Variants in UQCRC2 observed in about 807,000 individuals in gnomAD.
UQCRC2 encodes the protein ubiquinol-cytochrome c reductase core protein 2.
In UQCRC2, 49 loss-of-function variants were observed where a neutral mutation model predicts 55.6. The observed-to-expected ratio is 0.88, with a 90% CI of 0.70 to 1.12. UQCRC2 has a LOEUF of 1.12. UQCRC2 is among the 50% of genes most tolerant of loss of function. The probability of loss-of-function intolerance (pLI) is 0.00; values close to 1 mark genes in which losing one functional copy is unlikely to be tolerated. For missense variants in UQCRC2, 506 were observed against 547.8 expected, an observed-to-expected ratio of 0.92 and a Z score of 0.76; for synonymous variants, 193 against 192.0, an observed-to-expected ratio of 1.01 and a Z score of -0.04.
intron 12 of UQCRC2, 116 bp downstream of exon 12, chr16:21,976,359 TA>T: frequency 1.1e-6 from 1 of 911,832 alleles, no homozygotes; most frequent in Non-Finnish European, 1.7e-6. Flanking sequence ...CAGAAAAGCG[TA>T]AAAAGGGAAA....
intron 6 of UQCRC2, among the ~76,000 whole-genome samples, chr16:21,963,565 G>A (rs1597955310): frequency 6.6e-6 from 1 of 152,158 alleles, no homozygotes; most frequent in East Asian, 1.9e-4. Flanking sequence ...CTGGACTCAG[G>A]TGATCCTCCT....
chr16:21,962,785 C>G lies in UQCRC2; in HGVS notation c.414C>G (p.Leu138=). The G allele has an allele frequency of 2.5e-6, 4 of 1,614,056 alleles. No individual in the cohort carries two copies. Among genetic ancestry groups the G allele is most frequent in the Non-Finnish European group, 3.4e-6 (4 of 1,180,004 alleles). ...GDVDILMEFL[L]NVTTAPEFRR... ...GTGATATTCTAATGGAGTTCCTGCT[C>G]AATGTCACCACAGCACCAGAATTTC... is the stretch of plus-strand genomic sequence containing the variant. Residue 138 remains leucine (L), a synonymous_variant, in exon 6 of 14, where the codon CTC becomes CTG. Transcript: ENST00000268379.
At chr16:21,970,904 A>G (rs758801640) in intron 8 of UQCRC2, among the ~76,000 whole-genome samples, 2 of 151,842 alleles carry the variant, frequency 1.3e-5, no homozygotes, top group Admixed American at 6.6e-5. Context: ...AGAAATGTCT[A>G]TTCAAGTCTT....
At chr16:21,977,355 TA>T (rs577179217) in intron 12 of UQCRC2, among the ~76,000 whole-genome samples, 285 of 145,272 alleles carry the variant, frequency 2.0e-3, no homozygotes, top group African/African-American at 3.1e-3. Context: ...CCCTGTCTCT[TA>T]AAAAAAAAAA....
intron 7 of UQCRC2, 66 bp downstream of exon 7, chr16:21,965,571 GGTTT>G: frequency 1.5e-6 from 2 of 1,305,244 alleles, no homozygotes; most frequent in East Asian, 2.8e-5. Context: ...TCCCATTTCA[GGTTT>G]GTTTGTTAAT....
chr16:21,961,620 TA>T (rs1898199981), intron 4 of UQCRC2, among the ~76,000 whole-genome samples: 1 of 74,324 alleles, frequency 1.3e-5, no homozygotes, highest in African/African-American at 3.3e-5. Context: ...GTATATAACA[TA>T]AAATTTATAT....
chr16:21,968,713 A>G (rs1898387369), intron 8 of UQCRC2, 28 bp downstream of exon 8: 4 of 1,591,300 alleles, frequency 2.5e-6, no homozygotes, highest in Admixed American at 3.6e-5. Flanking sequence ...CCTGCCTGTC[A>G]GTTTGCTTCC....
intron 12 of UQCRC2, among the ~76,000 whole-genome samples, chr16:21,979,951 C>T (rs114465421): frequency 2.1e-4 from 32 of 152,248 alleles, no homozygotes; most frequent in African/African-American, 7.5e-4. Context: ...ATGAGATAAT[C>T]AATGCTTCCT....
chr16:21,972,006 A>G lies in UQCRC2; in HGVS notation c.850A>G (p.Asn284Asp). The G allele has an allele frequency of 1.2e-6, 2 of 1,614,120 alleles. No individual in the cohort carries two copies. The highest frequency in any genetic ancestry group is 1.7e-6 in the Non-Finnish European group (2 of 1,180,008). Residue 284 changes from asparagine (N) to aspartate (D), a missense_variant, in exon 10 of 14, where the codon AAT becomes GAT. Coordinates refer to ENST00000268379, the MANE Select transcript of UQCRC2 (RefSeq NM_003366.4). ...TGCTGTCGCGGGAAGTGCAGAGGCA[A>G]ATGCATTTAGTGTTCTTCAGCATGT... ...ESAVAGSAEA[N>D]AFSVLQHVLG...
intron 1 of UQCRC2, 37 bp from the exon 2 acceptor site, chr16:21,957,198 G>T (rs1317433415): frequency 6.2e-7 from 1 of 1,602,036 alleles, no homozygotes; most frequent in South Asian, 1.1e-5. Context: ...CACTGTTCTT[G>T]TGAGAAATAC....
chr16:21,962,154 A>G (rs1214520454), intron 4 of UQCRC2: 3 of 302,030 alleles, frequency 9.9e-6, no homozygotes, highest in East Asian at 6.2e-5. Flanking sequence ...CAGGTACCTC[A>G]TAAGTAGAAT....
At chr16:21,966,490 T>A (rs185711799) in intron 7 of UQCRC2, among the ~76,000 whole-genome samples, 1 of 152,284 alleles carries the variant, frequency 6.6e-6, no homozygotes, top group Admixed American at 6.5e-5. Context: ...CAAAAGACAT[T>A]AAGAGAAAAA....
At chr16:21,955,070 A>T (rs1898067533) in intron 1 of UQCRC2, among the ~76,000 whole-genome samples, 1 of 151,718 alleles carries the variant, frequency 6.6e-6, no homozygotes, top group African/African-American at 2.4e-5. Flanking sequence ...AAAAAAAAAA[A>T]AAAAATTACC....
At chr16:21,966,176 G>A (rs1251844202) in intron 7 of UQCRC2, among the ~76,000 whole-genome samples, 1 of 151,812 alleles carries the variant, frequency 6.6e-6, no homozygotes, top group Non-Finnish European at 1.5e-5. Flanking sequence ...ATATATGTGT[G>A]TGTGTATACA....
chr16:21,967,770 G>T (rs1898361668), intron 7 of UQCRC2, among the ~76,000 whole-genome samples: 1 of 152,136 alleles, frequency 6.6e-6, no homozygotes, highest in Non-Finnish European at 1.5e-5. Context: ...CCCTGGTATA[G>T]ACAATGACTT....
intron 12 of UQCRC2, chr16:21,976,756 T>G (rs1438383743): frequency 6.6e-6 from 1 of 152,240 alleles, no homozygotes; most frequent in African/African-American, 2.4e-5. Context: ...TGTATACTTT[T>G]TTATCTTATT....
At chr16:21,957,179 T>G in intron 1 of UQCRC2, 56 bp from the exon 2 acceptor site, 1 of 1,552,706 alleles carries the variant, frequency 6.4e-7, no homozygotes, top group Non-Finnish European at 8.8e-7. Context: ...ACCATGCTTT[T>G]ATATAAAGCA....
chr16:21,955,779 A>G lies in UQCRC2; in HGVS notation c.34-1456A>G, dbSNP rs1470280000. ...TACAGCACACAAGAGTGAAGATACA[A>G]TGGAAAATATTGAGGGCTTGGAGGA... On this transcript the variant is annotated intron_variant, in intron 1 of 13. Transcript: ENST00000268379. Among the ~76,000 whole-genome samples, 3 of 152,248 alleles carry G rather than the reference A, an allele frequency of 2.0e-5. No individual in the cohort carries two copies. The East Asian group carries it at 5.8e-4, about 29-fold the overall frequency.
chr16:21,964,784 T>G (rs1264196184), intron 6 of UQCRC2, among the ~76,000 whole-genome samples: 1 of 152,220 alleles, frequency 6.6e-6, no homozygotes, highest in Non-Finnish European at 1.5e-5. Flanking sequence ...CTCTTAAAAT[T>G]TGAGGGCAGG....
Sources: gnomAD v4.1 joint callset for allele counts (sites outside exome capture counted in the v4.1 genomes callset) on GRCh38, gnomAD v4.1.1 for gene constraint, MANE v1.5 for transcripts, NCBI Gene and HGNC (gene_info 2026-07-23, HGNC 2026-07-21) for gene names.